Variants in COL16A1 observed in about 807,000 individuals in gnomAD.
The protein encoded by COL16A1 is collagen alpha-1(XVI) chain.
Under a neutral mutation model 266.3 loss-of-function variants are expected in COL16A1, and 189 were observed. The ratio of observed to expected loss-of-function variants is 0.71; its 90% CI spans 0.63 to 0.80. The LOEUF is 0.80. COL16A1 is among the 30% of genes least tolerant of loss of function. COL16A1 has a pLI of 0.00. For synonymous variants in COL16A1, 740 were observed against 782.3 expected (o/e 0.95, Z 0.90); for missense variants, 1,928 against 2,122.4 (o/e 0.91, Z 1.80).
At chr1:31,680,511 C>A (rs1001649531) in intron 39 of COL16A1, among the ~76,000 whole-genome samples, 1 of 152,312 alleles carries the variant, frequency 6.6e-6, no homozygotes, top group Non-Finnish European at 1.5e-5. Flanking sequence ...TCGGGAGCCC[C>A]TCACCTCTCT....
rs930067520 is a variant in COL16A1 at position 31,688,425 on chromosome 1, C to T, written c.1803+42G>A. On this transcript the variant is annotated intron_variant, in intron 26 of 70. Transcript: ENST00000373672. This position sits in a 1 kb window ranked among gnomAD's most constrained non-coding sequence, Gnocchi z 4.9. The stretch of plus-strand genomic sequence containing the variant: ...GCACCACTCCTCCCCTGCCTGCCTG[C>T]CAAGAAACTCCAGTGTCCCTGACAT... The T allele has an allele frequency of 2.5e-6, 4 of 1,613,098 alleles. No individual in the cohort carries two copies. The highest frequency in any genetic ancestry group is 1.7e-5 in the Admixed American group (1 of 60,010).
At chr1:31,683,549 C>A (rs1320654771) in intron 34 of COL16A1, among the ~76,000 whole-genome samples, 158 bp downstream of exon 34, 1 of 152,248 alleles carries the variant, frequency 6.6e-6, no homozygotes, top group African/African-American at 2.4e-5. Flanking sequence ...CTGACAGAAG[C>A]AACAGCAGGC....
Position 31,700,055 on chromosome 1 carries a change from G to A in COL16A1, c.134C>T (p.Pro45Leu), listed in dbSNP as rs1644668777. 6.2e-7 allele frequency: 1 copy of A among 1,614,064 alleles called. No individual in the cohort carries two copies. The highest frequency in any genetic ancestry group is 1.3e-5 in the African/African-American group (1 of 74,918). ...GLKLEHSSSLPANVTGFNLIH... is the reference protein window; with the variant it reads ...GLKLEHSSSLLANVTGFNLIH... ...TGGGTGCTCACCAGTCACGTTGGCT[G>A]GCAGGCTACTACTGTGTTCCAATTT... The change falls in exon 3 of 71, where the codon CCA (proline) becomes CTA (leucine). Residue 45 changes from proline to leucine, a missense_variant. By Grantham distance (98) the Pro-to-Leu change is moderately conservative. Coordinates refer to ENST00000373672, the MANE Select transcript of COL16A1 (RefSeq NM_001856.4).
chr1:31,701,501 A>G, intron 2 of COL16A1: 1 of 985,422 alleles, frequency 1.0e-6, no homozygotes, highest in East Asian at 1.1e-4. Context: ...TACTGAGCCC[A>G]GAGGGCACCC....
At chr1:31,653,752 C>T (rs1640844954) in intron 69 of COL16A1, 76 bp from the exon 70 acceptor site, 4 of 911,362 alleles carry the variant, frequency 4.4e-6, no homozygotes, top group Non-Finnish European at 6.2e-6. Flanking sequence ...TTGAAACACA[C>T]ACACACACAC....
intron 42 of COL16A1, among the ~76,000 whole-genome samples, chr1:31,678,667 A>G (rs1643380053): frequency 6.6e-6 from 1 of 152,254 alleles, no homozygotes; most frequent in South Asian, 2.1e-4. Flanking sequence ...TTTGTCACAT[A>G]AATAATATAT....
intron 4 of COL16A1, among the ~76,000 whole-genome samples, chr1:31,699,607 A>G (rs1644644458): frequency 6.6e-6 from 1 of 152,198 alleles, no homozygotes; most frequent in Admixed American, 6.5e-5. Flanking sequence ...GGCCAGAGAC[A>G]GGGGAAAGAC....
intron 20 of COL16A1, 58 bp downstream of exon 20, chr1:31,691,125 CCTTCT>C: frequency 6.3e-7 from 1 of 1,577,276 alleles, no homozygotes; most frequent in Admixed American, 1.9e-5. Context: ...TGCCCCGGCC[CCTTCT>C]CTCTCCTCCT....
intron 22 of COL16A1, 158 bp from the exon 23 acceptor site, chr1:31,690,009 C>T: frequency 3.1e-6 from 2 of 648,646 alleles, no homozygotes; most frequent in South Asian, 1.9e-5. Flanking sequence ...GCTTCCTGTT[C>T]AACTGACTCA....
intron 66 of COL16A1, chr1:31,655,997 C>A (rs748190336): frequency 5.7e-4 from 180 of 316,752 alleles, no homozygotes; most frequent in Non-Finnish European, 9.5e-4. Flanking sequence ...CCCTCTCATC[C>A]CACAGCGCTA....
chr1:31,673,002 G>T, intron 44 of COL16A1, 162 bp from the exon 45 acceptor site: 1 of 735,574 alleles, frequency 1.4e-6, no homozygotes, highest in Non-Finnish European at 2.4e-6. Flanking sequence ...CGGCAGCTTT[G>T]CTCCATCCTC....
chr1:31,679,957 CG>C, intron 40 of COL16A1, 84 bp downstream of exon 40: 1 of 1,581,202 alleles, frequency 6.3e-7, no homozygotes. Context: ...CGTGGCCCTG[CG>C]GGGCCTTTGC....
chr1:31,662,185 G>A lies in COL16A1; in HGVS notation c.3681+149C>T, dbSNP rs1247133273. On this transcript the variant is annotated intron_variant, in intron 58 of 70. Coordinates refer to ENST00000373672, the MANE Select transcript of COL16A1 (RefSeq NM_001856.4). ...GGCTGTGGTGCCATCGGGGAGCTGG[G>A]GTAGAGGGAGACAGACCGAGGGAGG... 12 of 1,431,336 alleles carry A rather than the reference G, an allele frequency of 8.4e-6. No homozygotes were observed. In the East Asian group the frequency reaches 1.7e-4, roughly 21 times the overall value. 88.7% of individuals were successfully genotyped at this position (1,431,336 alleles called of 1,614,324 possible).
rs1642236495 is a variant in COL16A1 at position 31,667,496 on chromosome 1, G to C, written c.3357+79C>G. On this transcript the variant is annotated intron_variant, in intron 52 of 70. Coordinates refer to ENST00000373672, the MANE Select transcript of COL16A1 (RefSeq NM_001856.4). ...GGGGTCACGATCCTCCCCTTCACAG[G>C]CTGCTGCCAAGTCTCCAGCCCGAGA... 3.8e-5 allele frequency: 48 copies of C among 1,252,542 alleles called. 2 individuals carry two copies. The South Asian group carries it at 6.2e-4, about 16-fold the overall frequency. 77.6% of individuals were successfully genotyped at this position (1,252,542 alleles called of 1,614,324 possible).
intron 4 of COL16A1, 75 bp downstream of exon 4, chr1:31,699,738 G>A: frequency 1.0e-6 from 1 of 974,356 alleles, no homozygotes; most frequent in Non-Finnish European, 1.6e-6. Flanking sequence ...CTGGGCTTAA[G>A]CCCCACATCT....
chr1:31,699,800 T>A lies in COL16A1; in HGVS notation c.266+13A>T. The A allele has an allele frequency of 6.6e-7, 1 of 1,506,808 alleles. No homozygotes were observed. Among genetic ancestry groups the A allele is most frequent in the Non-Finnish European group, 9.2e-7 (1 of 1,084,588 alleles). 93.3% of individuals were successfully genotyped at this position (1,506,808 alleles called of 1,614,324 possible). ...TCAGTGTTGATTCTCAGTGGTCACA[T>A]GGATGCATTTACCGCGTGGGCTGGG... On this transcript the variant is annotated intron_variant, in intron 4 of 70. Transcript: ENST00000373672.
At chr1:31,674,979 C>A (rs762186541) in intron 44 of COL16A1, 28 bp downstream of exon 44, 8 of 1,609,598 alleles carry the variant, frequency 5.0e-6, no homozygotes, top group Non-Finnish European at 5.9e-6. Context: ...CCCGCCAGCT[C>A]ACACTTCCCT....
chr1:31,658,404 C>A, intron 64 of COL16A1, 84 bp downstream of exon 64: 1 of 1,168,786 alleles, frequency 8.6e-7, no homozygotes, highest in East Asian at 2.5e-5. Flanking sequence ...CTTAGAGACC[C>A]CAGATATGTT....
At position 31,656,017 on chromosome 1, in the gene COL16A1, T is replaced by C. The variant is rs1210118152; in HGVS notation, c.4101+383A>G. 3.0e-6 allele frequency: 1 copy of C among 333,894 alleles called. No individual in the cohort carries two copies. Among genetic ancestry groups the C allele is most frequent in the African/African-American group, 2.2e-5 (1 of 45,364 alleles). The allele number at this position is 333,894 out of a possible 1,614,324, so 20.7% of individuals were successfully genotyped here. On this transcript the variant is annotated intron_variant, in intron 66 of 70. Coordinates refer to ENST00000373672, the MANE Select transcript of COL16A1 (RefSeq NM_001856.4). The surrounding 1 kb of genome is among the most constrained non-coding windows in gnomAD (Gnocchi z 4.2). The stretch of plus-strand genomic sequence containing the variant: ...TCATCCCACAGCGCTATGTCTCATG[T>C]CTTCTGGAAAACTTGCCAATCCCTA...
Sources: allele counts gnomAD v4.1 joint callset (sites outside exome capture counted in the v4.1 genomes callset), GRCh38; gene constraint gnomAD v4.1.1; non-coding constraint Gnocchi (gnomAD v3.1); transcripts MANE v1.5; gene names NCBI Gene and HGNC (gene_info 2026-07-23, HGNC 2026-07-21).